Variants in ENOSF1 observed in about 807,000 individuals in gnomAD.
ENOSF1 encodes mitochondrial enolase superfamily member 1.
In ENOSF1, 73 loss-of-function variants were observed where a neutral mutation model predicts 68.2. The observed-to-expected ratio is 1.07, with a 90% CI of 0.89 to 1.30. ENOSF1 has a LOEUF of 1.30. Ranked by LOEUF, ENOSF1 falls within the 50% of genes most tolerant of loss-of-function variation. The pLI is 0.00. For synonymous variants in ENOSF1, 223 were observed against 210.4 expected, an observed-to-expected ratio of 1.06 and a Z score of -0.52; for missense variants, 589 against 554.5, an observed-to-expected ratio of 1.06 and a Z score of -0.62.
At chr18:669,122 A>G (rs1385336277), downstream of ENOSF1, 8 of 1,614,108 alleles carry the variant, frequency 5.0e-6, no homozygotes, top group Non-Finnish European at 5.9e-6. Context: ...TGACACCATC[A>G]AAACCAACCC....
Position 673,966 on chromosome 18 carries a change from A to C in ENOSF1, c.*339T>G, listed in dbSNP as rs1224363763. 5.6e-6 allele frequency: 1 copy of C among 179,976 alleles called. No individual in the cohort carries two copies. The allele number at this position is 179,976 out of a possible 1,614,324, so 11.1% of individuals were successfully genotyped here. A position where few individuals can be genotyped will look rare whatever the true frequency, so the allele number is the denominator to read the frequency against. Reference sequence around the variant, plus strand: ...ATTTATGACAAGTGTTAAACAGAACAAGGAATTATTCCAACAAGTTATGCA... The same window carrying C: ...ATTTATGACAAGTGTTAAACAGAACCAGGAATTATTCCAACAAGTTATGCA... On this transcript the variant is annotated 3_prime_UTR_variant, in exon 16 of 16. Coordinates refer to ENST00000647584, the MANE Select transcript of ENOSF1 (RefSeq NM_017512.7).
chr18:705,470 TTCTC>T (rs1350144679), intron 2 of ENOSF1, among the ~76,000 whole-genome samples: 3 of 152,224 alleles, frequency 2.0e-5, no homozygotes, highest in Non-Finnish European at 2.9e-5. Flanking sequence ...CTCAGTTTTC[TTCTC>T]TCTAAAAAAT....
At chr18:678,362 A>G (rs1483429609) in intron 12 of ENOSF1, 1 of 398,632 alleles carries the variant, frequency 2.5e-6, no homozygotes, top group Non-Finnish European at 4.5e-6. Context: ...CAAAAAGTGA[A>G]CGCAGTCATG....
intron 8 of ENOSF1, 85 bp downstream of exon 8, chr18:690,464 T>C: frequency 6.9e-7 from 1 of 1,443,372 alleles, no homozygotes; most frequent in Non-Finnish European, 9.7e-7. Context: ...AGTGAGGTAC[T>C]GAGAGTAGTG....
Position 671,534 on chromosome 18 carries a change from T to A in ENOSF1, c.*2771A>T. 2 of 898,176 alleles carry A rather than the reference T, an allele frequency of 2.2e-6. No individual in the cohort carries two copies. Among genetic ancestry groups the A allele is most frequent in the South Asian group, 2.7e-5 (2 of 73,170 alleles). The allele number at this position is 898,176 out of a possible 1,614,324, so 55.6% of individuals were successfully genotyped here. ...TGTGGAACAGGCATCTGCTCAATGC[T>A]GTGTCCAAGATAAAGATGACTGCTC... On this transcript the variant is annotated 3_prime_UTR_variant, in exon 16 of 16. Transcript: ENST00000647584.
intron 3 of ENOSF1, among the ~76,000 whole-genome samples, chr18:696,722 C>T (rs1479750892): frequency 2.0e-5 from 3 of 152,146 alleles, no homozygotes; most frequent in Non-Finnish European, 4.4e-5. Context: ...TCATTTAGAT[C>T]ATCAGTCTTA....
At position 685,976 on chromosome 18, in the gene ENOSF1, T is replaced by C; in HGVS notation, c.686A>G (p.Asp229Gly). The C allele has an allele frequency of 6.2e-7, 1 of 1,614,164 alleles. No homozygotes were observed. The highest frequency in any genetic ancestry group is 2.2e-5 in the East Asian group (1 of 44,846). The change falls in exon 10 of 16, where the codon GAT (aspartate) becomes GGT (glycine). Residue 229 changes from aspartate to glycine, a missense_variant. Asp to Gly is a moderately conservative substitution (Grantham distance 94). Coordinates refer to ENST00000647584, the MANE Select transcript of ENOSF1 (RefSeq NM_017512.7). ...GATGATTTGGCATCTTCGCATGTCATCCTGGAGATCAGCACCCACCTTTAC... is the reference window on the plus strand; with the variant it reads ...GATGATTTGGCATCTTCGCATGTCACCCTGGAGATCAGCACCCACCTTTAC... ...FKVKVGADLQ[D>G]DMRRCQIIRD...
At chr18:683,463 T>C in intron 10 of ENOSF1, 83 bp from the exon 11 acceptor site, 1 of 1,534,524 alleles carries the variant, frequency 6.5e-7, no homozygotes, top group East Asian at 2.3e-5. Flanking sequence ...GGAAATGCTG[T>C]CACTCAGTGC....
intron 8 of ENOSF1, among the ~76,000 whole-genome samples, chr18:689,252 T>C (rs573312760): frequency 3.9e-4 from 59 of 152,290 alleles, no homozygotes; most frequent in African/African-American, 1.3e-3. Context: ...GCTTGTGTAC[T>C]TTCAGAACGA....
chr18:705,497 G>T (rs2078829579), intron 2 of ENOSF1, among the ~76,000 whole-genome samples: 1 of 152,172 alleles, frequency 6.6e-6, no homozygotes, highest in Non-Finnish European at 1.5e-5. Context: ...GACGGCTCAA[G>T]ATCACCATTT....
rs1254259098 is a variant in ENOSF1, at chr18:712,595, G to A, written c.-8C>T. ...GATCCTGCCGCGCACCATGGCCCCT[G>A]CGCCCCGTGGCCGCGGCCCCCGTGC... On this transcript the variant is annotated 5_prime_UTR_variant, in exon 1 of 16. Transcript: ENST00000647584. 5 of 1,532,574 alleles carry A rather than the reference G, an allele frequency of 3.3e-6. No individual in the cohort carries two copies. The highest frequency in any genetic ancestry group is 2.0e-5 in the Admixed American group (1 of 50,760). 94.9% of individuals were successfully genotyped at this position (1,532,574 alleles called of 1,614,324 possible).
At chr18:670,095 G>A (rs577851630), downstream of ENOSF1, among the ~76,000 whole-genome samples, 1 of 150,690 alleles carries the variant, frequency 6.6e-6, no homozygotes, top group East Asian at 2.0e-4. Flanking sequence ...CCAGGCTGGA[G>A]TGCAGTGGTG....
chr18:702,596 T>C (rs2078479473), intron 2 of ENOSF1, among the ~76,000 whole-genome samples: 1 of 151,094 alleles, frequency 6.6e-6, no homozygotes, highest in Non-Finnish European at 1.5e-5. Flanking sequence ...AAACATTAGC[T>C]AGGCATGGTG....
chr18:688,681 A>T, intron 8 of ENOSF1, 73 bp from the exon 9 acceptor site: 5 of 1,354,366 alleles, frequency 3.7e-6, no homozygotes, highest in Non-Finnish European at 5.3e-6. Context: ...GTCATTGCTG[A>T]TCTGTTTCAC....
chr18:706,813 A>T (rs556372129), intron 1 of ENOSF1: 120 of 99,280 alleles, frequency 1.2e-3, no homozygotes, highest in South Asian at 9.4e-3. Context: ...ATATATATAT[A>T]TATTTTTTTT....
At chr18:690,887 A>AGTCAGAGGTCAT (rs2077088191) in intron 7 of ENOSF1, 181 bp downstream of exon 7, 5 of 1,246,572 alleles carry the variant, frequency 4.0e-6, no homozygotes, top group Admixed American at 5.3e-5. Context: ...TGGCTGAAGC[A>AGTCAGAGGTCAT]AACTCTGCAG....
intron 2 of ENOSF1, among the ~76,000 whole-genome samples, chr18:702,191 G>A (rs1028221035): frequency 1.3e-5 from 2 of 149,848 alleles, no homozygotes; most frequent in African/African-American, 2.5e-5. Flanking sequence ...TTGAACCTGG[G>A]AGGTTGTTGT....
At chr18:691,307 G>C (rs1436813132) in intron 5 of ENOSF1, 31 bp from the exon 6 acceptor site, 3 of 1,559,336 alleles carry the variant, frequency 1.9e-6, no homozygotes, top group Non-Finnish European at 2.6e-6. Context: ...GAAGAGGCCT[G>C]AATCAATTAT....
At chr18:709,385 CA>C (rs2145531015) in intron 1 of ENOSF1, among the ~76,000 whole-genome samples, 1 of 152,206 alleles carries the variant, frequency 6.6e-6, no homozygotes, top group South Asian at 2.1e-4. Flanking sequence ...AGGCAGCCGA[CA>C]GCGGAAAACG....
Sources: allele counts gnomAD v4.1 joint callset (sites outside exome capture counted in the v4.1 genomes callset), GRCh38; gene constraint gnomAD v4.1.1; transcripts MANE v1.5; gene names NCBI Gene and HGNC (gene_info 2026-07-23, HGNC 2026-07-21).